The following GRM7 variants were observed in gnomAD, a reference collection of about 807,000 sequenced individuals.
GRM7 encodes the protein glutamate metabotropic receptor 7, also known as metabotropic glutamate receptor 7.
GRM7 carries 35 observed loss-of-function variants against 84.5 expected under a neutral mutation model. The ratio of observed to expected loss-of-function variants is 0.41; its 90% CI spans 0.32 to 0.55. GRM7 has a LOEUF of 0.55. Among genes scored for constraint, GRM7 ranks in the 20% least tolerant of loss-of-function variants. The pLI, the probability that GRM7 is intolerant of heterozygous loss-of-function variation, is 0.19. For missense variants in GRM7, 1,003 were observed against 1,194.6 expected (o/e 0.84, Z 2.36); for synonymous variants, 487 against 455.1 (o/e 1.07, Z -0.89).
At chr3:7,252,547 A>C (rs980649395) in intron 2 of GRM7, among the ~76,000 whole-genome samples, 5 of 152,228 alleles carry the variant, frequency 3.3e-5, no homozygotes, top group Admixed American at 2.0e-4. Context: ...TTGTTTGATC[A>C]GACAGAATAT....
At chr3:7,251,523 A>G (rs1697987010) in intron 2 of GRM7, among the ~76,000 whole-genome samples, 1 of 152,210 alleles carries the variant, frequency 6.6e-6, no homozygotes, top group Non-Finnish European at 1.5e-5. Flanking sequence ...GTTCTATGAT[A>G]TCACTATAAT....
chr3:7,685,683 T>G (rs1452779134), intron 9 of GRM7, among the ~76,000 whole-genome samples: 1 of 152,084 alleles, frequency 6.6e-6, no homozygotes, highest in Non-Finnish European at 1.5e-5. Context: ...GCTACCATAT[T>G]TGCATCTACA....
intron 8 of GRM7, among the ~76,000 whole-genome samples, chr3:7,672,311 C>T (rs1353814641): frequency 6.6e-6 from 1 of 152,210 alleles, no homozygotes; most frequent in East Asian, 1.9e-4. Flanking sequence ...ACAGAAAACA[C>T]TGGTCTTAAC....
At chr3:7,412,446 C>T (rs1042942945) in intron 4 of GRM7, among the ~76,000 whole-genome samples, 1 of 152,134 alleles carries the variant, frequency 6.6e-6, no homozygotes, top group African/African-American at 2.4e-5. Context: ...CTTGCAAGAG[C>T]TTTTACTCTC....
chr3:7,366,054 C>A (rs1404334456), intron 4 of GRM7, among the ~76,000 whole-genome samples: 1 of 151,640 alleles, frequency 6.6e-6, no homozygotes, highest in Non-Finnish European at 1.5e-5. Context: ...CTTTTGTGGA[C>A]TGTGAGATCA....
At chr3:7,326,706 G>T (rs1701001490) in intron 4 of GRM7, among the ~76,000 whole-genome samples, 2 of 151,762 alleles carry the variant, frequency 1.3e-5, no homozygotes, top group South Asian at 4.2e-4. Flanking sequence ...AATTAGCCAG[G>T]TGTGGTGGCA....
chr3:6,959,200 G>A (rs1161903106), intron 1 of GRM7, among the ~76,000 whole-genome samples: 1 of 152,156 alleles, frequency 6.6e-6, no homozygotes, highest in East Asian at 1.9e-4. Context: ...TTTTACAGAG[G>A]AAGAAAGGAA....
Position 7,680,134 on chromosome 3 carries a change from A to C in GRM7, c.2537A>C (p.Tyr846Ser). Residue 846 changes from tyrosine to serine, a missense_variant, in exon 9 of 10, where the codon TAC (tyrosine) becomes TCC (serine). Transcript: ENST00000357716. ...GGGATGCTATACATGCCGAAAGTGT[A>C]CATCATCATTTTCCACCCTGAACTC... ...ALGMLYMPKVYIIIFHPELNV... is the reference protein window; with the variant it reads ...ALGMLYMPKVSIIIFHPELNV... 1 of 1,614,070 alleles carries C rather than the reference A, an allele frequency of 6.2e-7. No homozygotes were observed. Among genetic ancestry groups the C allele is most frequent in the Non-Finnish European group, 8.5e-7 (1 of 1,179,930 alleles).
Position 7,617,496 on chromosome 3 carries a change from T to C in GRM7, c.2451+38139T>C, listed in dbSNP as rs146306841. On this transcript the variant is annotated intron_variant, in intron 8 of 9. Transcript: ENST00000357716. The stretch of plus-strand genomic sequence containing the variant: ...AATATAACACAAATTTGGAAAAGCA[T>C]TGGAATCAGAAGAACTTTCTAAGTA... Among the ~76,000 whole-genome samples the C allele has an allele frequency of 2.7e-4, 41 of 152,058 alleles. No homozygotes were observed. The East Asian group carries it at 7.4e-3, about 27-fold the overall frequency.
chr3:7,718,221 G>A lies in GRM7; in HGVS notation c.2699-22136G>A, dbSNP rs986473322. 5.9e-5 allele frequency among the ~76,000 whole-genome samples: 9 copies of A among 152,142 alleles called. 1 individual carries two copies. Among genetic ancestry groups the A allele is most frequent in the Middle Eastern group, 6.3e-3 (2 of 316 alleles). On this transcript the variant is annotated intron_variant, in intron 9 of 9. Coordinates refer to ENST00000357716, the MANE Select transcript of GRM7 (RefSeq NM_000844.4). ...AGTACCATGTCTGAGCATAGGACAC[G>A]CTCTGTAAATGTTAACCATCACTAT... is the stretch of plus-strand genomic sequence containing the variant.
chr3:7,727,762 C>T (rs1307249363), intron 9 of GRM7, among the ~76,000 whole-genome samples: 1 of 152,188 alleles, frequency 6.6e-6, no homozygotes, highest in African/African-American at 2.4e-5. Context: ...GTGCTTAAAA[C>T]TTAGTAGATA....
At chr3:7,314,566 A>T (rs1471066825) in intron 4 of GRM7, among the ~76,000 whole-genome samples, 1 of 149,872 alleles carries the variant, frequency 6.7e-6, no homozygotes, top group East Asian at 1.9e-4. Context: ...CAATAGGCAC[A>T]ATAAGTAAGT....
intron 4 of GRM7, among the ~76,000 whole-genome samples, chr3:7,337,404 T>C (rs114099453): frequency 1.6e-3 from 243 of 152,124 alleles, no homozygotes; most frequent in African/African-American, 5.6e-3. Context: ...AAGACAAATA[T>C]AAGTAGATGG....
At chr3:6,947,076 C>T (rs945942648) in intron 1 of GRM7, among the ~76,000 whole-genome samples, 1 of 152,174 alleles carries the variant, frequency 6.6e-6, no homozygotes, top group Non-Finnish European at 1.5e-5. Flanking sequence ...CTGGCCAGAA[C>T]TTCCAACACT....
At chr3:7,063,208 A>G (rs1697495879) in intron 1 of GRM7, among the ~76,000 whole-genome samples, 2 of 151,812 alleles carry the variant, frequency 1.3e-5, no homozygotes, top group South Asian at 4.1e-4. Flanking sequence ...TAATCAGCCT[A>G]GAGGATACCA....
At chr3:7,495,883 TTTAAAG>T (rs1345172866) in intron 7 of GRM7, among the ~76,000 whole-genome samples, 1 of 152,216 alleles carries the variant, frequency 6.6e-6, no homozygotes, top group African/African-American at 2.4e-5. Context: ...TTTACCACCC[TTTAAAG>T]TTATTTGATT....
At chr3:6,879,649 ACACAGTTACCT>A (rs1695435625) in intron 1 of GRM7, among the ~76,000 whole-genome samples, 1 of 152,196 alleles carries the variant, frequency 6.6e-6, no homozygotes. Context: ...AGACCTCACC[ACACAGTTACCT>A]CAAGCAAATC....
rs368992776 is a variant in GRM7 at position 6,997,589 on chromosome 3, C to T, written c.519+135682C>T. Among the ~76,000 whole-genome samples, 8 of 152,268 alleles carry T rather than the reference C, an allele frequency of 5.3e-5. No individual in the cohort carries two copies. The East Asian group carries it at 9.7e-4, about 18-fold the overall frequency. ...ATGATTCAATTACCTCCCACCTAGTCCTTCCCACAACATGTGGGGATTATG... is the reference window on the plus strand; with the variant it reads ...ATGATTCAATTACCTCCCACCTAGTTCTTCCCACAACATGTGGGGATTATG... On this transcript the variant is annotated intron_variant, in intron 1 of 9. Transcript: ENST00000357716.
chr3:6,946,712 T>C (rs1698095097), intron 1 of GRM7, among the ~76,000 whole-genome samples: 1 of 152,210 alleles, frequency 6.6e-6, no homozygotes, highest in South Asian at 2.1e-4. Context: ...TTCTTCCATT[T>C]GTTTATATCC....
Sources: allele counts gnomAD v4.1 joint callset (sites outside exome capture counted in the v4.1 genomes callset), GRCh38; gene constraint gnomAD v4.1.1; transcripts MANE v1.5; gene names NCBI Gene and HGNC (gene_info 2026-07-23, HGNC 2026-07-21).